The following RBFOX3 variants were observed in gnomAD, a reference collection of about 807,000 sequenced individuals.
RBFOX3 encodes RNA binding protein fox-1 homolog 3.
Under a neutral mutation model 48.7 loss-of-function variants are expected in RBFOX3, and 17 were observed. The ratio of observed to expected loss-of-function variants is 0.35; its 90% CI spans 0.24 to 0.52. The LOEUF (loss-of-function observed/expected upper bound fraction) is 0.52, where lower values mean the gene tolerates loss of function less well. Ranked by LOEUF, RBFOX3 falls within the 20% of genes least tolerant of loss-of-function variation. RBFOX3 has a pLI of 0.94. For missense variants in RBFOX3, 382 were observed against 497.5 expected, an observed-to-expected ratio of 0.77 and a Z score of 2.21; for synonymous variants, 212 against 209.5, an observed-to-expected ratio of 1.01 and a Z score of -0.10.
At position 79,220,099 on chromosome 17, in the gene RBFOX3, G is replaced by T. The variant is rs2059545160; in HGVS notation, c.-34+15667C>A. On this transcript the variant is annotated intron_variant, in intron 4 of 14. Transcript: ENST00000693108. The surrounding 1 kb of genome is among the most constrained non-coding windows in gnomAD (Gnocchi z 5.9). ...AAGGCACGGGGTGGGGGGGTGGGGG[G>T]AGCACGCTGAGCTTCCCAACATTTC... Among the ~76,000 whole-genome samples, 2 of 152,062 alleles carry T rather than the reference G, an allele frequency of 1.3e-5. No homozygotes were observed. Among genetic ancestry groups the T allele is most frequent in the Non-Finnish European group, 2.9e-5 (2 of 67,988 alleles).
chr17:79,318,570 T>C lies in RBFOX3; in HGVS notation c.-174-10746A>G, dbSNP rs8082127. Among the ~76,000 whole-genome samples the C allele has an allele frequency of 7.2e-5, 11 of 152,080 alleles. No individual in the cohort carries two copies. The South Asian group carries it at 1.9e-3, about 26-fold the overall frequency. On this transcript the variant is annotated intron_variant, in intron 2 of 14. Coordinates refer to ENST00000693108, the MANE Select transcript of RBFOX3 (RefSeq NM_001350451.2). ...AGAGTTGGATGTTGAAATTTGACTG[T>C]GGGGCCACGTGCGGTGGCTCATGCC...
chr17:79,257,579 T>A (rs954038076), intron 3 of RBFOX3, among the ~76,000 whole-genome samples: 2 of 152,066 alleles, frequency 1.3e-5, no homozygotes, highest in African/African-American at 4.8e-5. Context: ...CACTGTTCTT[T>A]GCTTTTTTTT....
At chr17:79,293,528 T>C (rs1234769815) in intron 3 of RBFOX3, among the ~76,000 whole-genome samples, 21 of 150,810 alleles carry the variant, frequency 1.4e-4, no homozygotes, top group Non-Finnish European at 1.0e-4. Context: ...TCTTGGCTCA[T>C]TGCAACCTCC....
At chr17:79,592,805 C>T (rs1233617476) in intron 1 of RBFOX3, among the ~76,000 whole-genome samples, 1 of 152,190 alleles carries the variant, frequency 6.6e-6, no homozygotes, top group African/African-American at 2.4e-5. Context: ...AAATGTACAG[C>T]AGTCCTGGCG....
the RBFOX3 span, among the ~76,000 whole-genome samples, chr17:79,641,839 C>A: frequency 6.6e-6 from 1 of 152,216 alleles, no homozygotes; most frequent in African/African-American, 2.4e-5. Flanking sequence ...TCTCATGAGA[C>A]CTGGTTGTTT....
At chr17:79,356,363 T>TG (rs2085046118) in intron 2 of RBFOX3, among the ~76,000 whole-genome samples, 3 of 82,490 alleles carry the variant, frequency 3.6e-5, no homozygotes, top group Non-Finnish European at 7.3e-5. Context: ...TTTTTTTTTT[T>TG]TTTTTTTTTT....
intron 4 of RBFOX3, among the ~76,000 whole-genome samples, chr17:79,161,220 T>C (rs1405463219): frequency 6.6e-6 from 1 of 152,008 alleles, no homozygotes; most frequent in East Asian, 1.9e-4. Flanking sequence ...GCTAAAGCCT[T>C]GAAGGATGCA....
chr17:79,483,759 C>T (rs1440802894), intron 1 of RBFOX3, among the ~76,000 whole-genome samples: 1 of 151,890 alleles, frequency 6.6e-6, no homozygotes, highest in Non-Finnish European at 1.5e-5. Context: ...GGGGCTCACT[C>T]CGTATTCTTC....
At chr17:79,106,029 G>A (rs1023151950) in intron 6 of RBFOX3, among the ~76,000 whole-genome samples, 3 of 152,212 alleles carry the variant, frequency 2.0e-5, no homozygotes, top group African/African-American at 4.8e-5. Flanking sequence ...ACCCCACCAC[G>A]GGGCTGAAGC....
intron 2 of RBFOX3, among the ~76,000 whole-genome samples, chr17:79,476,425 A>G (rs2073217206): frequency 6.6e-6 from 1 of 152,232 alleles, no homozygotes; most frequent in South Asian, 2.1e-4. Context: ...CCTTCAGCCA[A>G]CAAGTATAGG....
At chr17:79,517,481 G>C (rs2085427431) in intron 1 of RBFOX3, among the ~76,000 whole-genome samples, 1 of 150,728 alleles carries the variant, frequency 6.6e-6, no homozygotes, top group Admixed American at 6.6e-5. Context: ...ACAAAAGAAA[G>C]GAAGGAGGAA....
intron 5 of RBFOX3, among the ~76,000 whole-genome samples, chr17:79,112,385 C>T (rs1004490071): frequency 1.8e-4 from 28 of 152,110 alleles, no homozygotes; most frequent in African/African-American, 6.3e-4. Context: ...TGGATGAACA[C>T]GGACTTCCCA....
chr17:79,460,728 TG>T (rs2075265424), intron 2 of RBFOX3, among the ~76,000 whole-genome samples: 1 of 152,172 alleles, frequency 6.6e-6, no homozygotes, highest in Admixed American at 6.5e-5. Flanking sequence ...AGGGTGGGTT[TG>T]TTATAAAAGT....
At chr17:79,268,486 C>T (rs58495428) in intron 3 of RBFOX3, among the ~76,000 whole-genome samples, 3,755 of 152,258 alleles carry the variant, frequency 0.025, 46 homozygotes, top group Non-Finnish European at 0.031. Flanking sequence ...CTAACTCTCC[C>T]GCTGCGGGTG....
At chr17:79,382,494 G>A (rs542436625) in intron 2 of RBFOX3, among the ~76,000 whole-genome samples, 1 of 152,360 alleles carries the variant, frequency 6.6e-6, no homozygotes, top group East Asian at 1.9e-4. Flanking sequence ...GGGCAAACCT[G>A]TTTCCCATGT....
intron 2 of RBFOX3, among the ~76,000 whole-genome samples, chr17:79,320,995 T>C (rs1013774559): frequency 6.6e-6 from 1 of 152,192 alleles, no homozygotes; most frequent in Non-Finnish European, 1.5e-5. Context: ...TAACTGGTGG[T>C]TCCACCTGGA....
chr17:79,223,806 C>T (rs1412933133), intron 4 of RBFOX3, among the ~76,000 whole-genome samples: 3 of 152,190 alleles, frequency 2.0e-5, no homozygotes, highest in Non-Finnish European at 2.9e-5. Flanking sequence ...AGTGCGCCCC[C>T]CCTACAGCAC....
chr17:79,458,439 G>T (rs782277414), intron 2 of RBFOX3, among the ~76,000 whole-genome samples: 1 of 151,366 alleles, frequency 6.6e-6, no homozygotes, highest in South Asian at 2.1e-4. Flanking sequence ...ATATACACAC[G>T]TGTGTGCATC....
intron 3 of RBFOX3, among the ~76,000 whole-genome samples, chr17:79,255,659 G>A (rs1189761128): frequency 6.6e-6 from 1 of 152,032 alleles, no homozygotes; most frequent in East Asian, 2.0e-4. Flanking sequence ...AACACTGCAT[G>A]GGCAGGGTGG....
Sources: gnomAD v4.1 joint callset for allele counts (sites outside exome capture counted in the v4.1 genomes callset) on GRCh38, gnomAD v4.1.1 for gene constraint, Gnocchi (gnomAD v3.1) non-coding constraint, MANE v1.5 for transcripts, NCBI Gene and HGNC (gene_info 2026-07-23, HGNC 2026-07-21) for gene names.